DPF3: variants seen among roughly 807,000 people sequenced by gnomAD.
The protein encoded by DPF3 is double PHD fingers 3.
A neutral mutation model predicts 56.8 loss-of-function variants in DPF3; 18 were observed. The observed-to-expected ratio is 0.32, with a 90% CI of 0.22 to 0.47. The LOEUF (loss-of-function observed/expected upper bound fraction) is 0.47. Among genes scored for constraint, DPF3 ranks in the 20% least tolerant of loss-of-function variants. DPF3 has a pLI of 1.00. For missense variants in DPF3, 403 were observed against 488.8 expected (o/e 0.82, Z 1.65); for synonymous variants, 188 against 180.2 (o/e 1.04, Z -0.35).
intron 7 of DPF3, among the ~76,000 whole-genome samples, chr14:72,687,828 G>A (rs550326303): frequency 1.3e-5 from 2 of 152,144 alleles, no homozygotes; most frequent in Non-Finnish European, 2.9e-5. Context: ...GACCCAGACT[G>A]CTGGCCCCCA....
intron 1 of DPF3, among the ~76,000 whole-genome samples, chr14:72,873,270 A>G (rs963141100): frequency 6.6e-6 from 1 of 152,256 alleles, no homozygotes; most frequent in Non-Finnish European, 1.5e-5. Flanking sequence ...AAGGATATAA[A>G]CAGACACTTC....
intron 1 of DPF3, among the ~76,000 whole-genome samples, chr14:72,803,067 A>G (rs2140004067): frequency 6.6e-6 from 1 of 152,344 alleles, no homozygotes. Flanking sequence ...CAAGTGTCAG[A>G]TGGAGAACAA....
rs1473839504 is a variant in DPF3 at position 72,892,456 on chromosome 14, T to G, written c.32+1601A>C. 3 of 1,432,534 alleles carry G rather than the reference T, an allele frequency of 2.1e-6. No individual in the cohort carries two copies. The Admixed American group carries it at 8.6e-5, about 41-fold the overall frequency. The allele number at this position is 1,432,534 out of a possible 1,614,324, so 88.7% of individuals were successfully genotyped here. A position where few individuals can be genotyped will look rare whatever the true frequency, so the allele number is the denominator to read the frequency against. ...TCAGCCTCAGCTTCCAACGTCCTCT[T>G]AACGGCAGCTTTCATATAAATATAT... On this transcript the variant is annotated intron_variant, in intron 1 of 10. Coordinates refer to ENST00000556509, the MANE Select transcript of DPF3 (RefSeq NM_001280542.3).
intron 3 of DPF3, among the ~76,000 whole-genome samples, chr14:72,740,689 A>C (rs1006255873): frequency 6.6e-6 from 1 of 152,208 alleles, no homozygotes; most frequent in Non-Finnish European, 1.5e-5. Flanking sequence ...GGCAGGGAAA[A>C]AGATCTAGCC....
At chr14:72,699,266 T>A (rs993262929) in intron 6 of DPF3, among the ~76,000 whole-genome samples, 1 of 152,088 alleles carries the variant, frequency 6.6e-6, no homozygotes, top group Non-Finnish European at 1.5e-5. Context: ...ATGCTTATAA[T>A]CCCAGCACTT....
chr14:72,753,313 T>A lies in DPF3; in HGVS notation c.252A>T (p.Arg84=). The A allele has an allele frequency of 6.2e-7, 1 of 1,613,670 alleles. No individual in the cohort carries two copies. The highest frequency in any genetic ancestry group is 1.1e-5 in the South Asian group (1 of 91,062). The part of the protein sequence containing the change: ...YPARCWRKKR[R]LHPPEDPKLR... ...GTTTTGGATCTTCAGGTGGGTGCAA[T>A]CGTCTCTTCTTGCGCCAGCAGCGGG... is the stretch of plus-strand genomic sequence containing the variant. The change falls in exon 3 of 11, where the codon CGA becomes CGT. Residue 84 remains arginine (R), a synonymous_variant. Coordinates refer to ENST00000556509, the MANE Select transcript of DPF3 (RefSeq NM_001280542.3).
intron 8 of DPF3, among the ~76,000 whole-genome samples, chr14:72,630,381 A>G (rs2153567036): frequency 6.6e-6 from 1 of 152,320 alleles, no homozygotes; most frequent in African/African-American, 2.4e-5. Context: ...ATCAGAGCAA[A>G]TGGCCAGGTC....
At chr14:72,782,227 ATTTTT>A (rs66977010) in intron 1 of DPF3, among the ~76,000 whole-genome samples, 2 of 139,794 alleles carry the variant, frequency 1.4e-5, no homozygotes, top group East Asian at 2.1e-4. Flanking sequence ...AGCCCAAGTG[ATTTTT>A]TTTTTTTTTT....
At chr14:72,701,706 C>T (rs1397254086) in intron 6 of DPF3, among the ~76,000 whole-genome samples, 2 of 152,190 alleles carry the variant, frequency 1.3e-5, no homozygotes, top group Admixed American at 1.3e-4. Flanking sequence ...ACTTGGAGCA[C>T]ACAGTGGGAA....
intron 1 of DPF3, among the ~76,000 whole-genome samples, chr14:72,876,011 T>C (rs1481287451): frequency 6.6e-6 from 1 of 151,918 alleles, no homozygotes; most frequent in Non-Finnish European, 1.5e-5. Context: ...ATTTATATAT[T>C]TTATTTACAT....
At chr14:72,623,444 G>A (rs958429933) in intron 9 of DPF3, among the ~76,000 whole-genome samples, 50 of 152,030 alleles carry the variant, frequency 3.3e-4, no homozygotes, top group Non-Finnish European at 5.6e-4. Context: ...TCCTTAGTAG[G>A]ACATACCTTA....
At chr14:72,674,833 T>C (rs2526909) in intron 7 of DPF3, among the ~76,000 whole-genome samples, 8,653 of 152,300 alleles carry the variant, frequency 0.057, 492 homozygotes, top group African/African-American at 0.13. Flanking sequence ...ATTCTTCCTG[T>C]CCCTGAAATG....
At chr14:72,635,386 C>T (rs776291301) in intron 8 of DPF3, among the ~76,000 whole-genome samples, 23 of 152,222 alleles carry the variant, frequency 1.5e-4, no homozygotes, top group Non-Finnish European at 1.6e-4. Context: ...GGACACATCT[C>T]ATGTCTTTAC....
chr14:72,845,057 A>G (rs1384126969), intron 1 of DPF3, among the ~76,000 whole-genome samples: 1 of 152,194 alleles, frequency 6.6e-6, no homozygotes, highest in Non-Finnish European at 1.5e-5. Flanking sequence ...GTGAGCTATA[A>G]TCGTGCCACT....
intron 1 of DPF3, among the ~76,000 whole-genome samples, chr14:72,808,595 T>G (rs1279912171): frequency 6.6e-6 from 1 of 152,198 alleles, no homozygotes; most frequent in Non-Finnish European, 1.5e-5. Context: ...GTGAAAATAG[T>G]TCGCCATTTA....
intron 8 of DPF3, among the ~76,000 whole-genome samples, chr14:72,648,982 G>T (rs1033624853): frequency 6.6e-6 from 1 of 151,822 alleles, no homozygotes; most frequent in African/African-American, 2.4e-5. Context: ...CCACACACTC[G>T]CCTAGCTCTC....
intron 1 of DPF3, among the ~76,000 whole-genome samples, chr14:72,846,328 C>CTT (rs10563066): frequency 0.021 from 1,284 of 62,454 alleles, 2 homozygotes; most frequent in Middle Eastern, 0.044. Context: ...CCAGGCTAGT[C>CTT]TTTTTTTTTT....
At chr14:72,640,056 A>T (rs1399195587) in intron 8 of DPF3, among the ~76,000 whole-genome samples, 2 of 70,362 alleles carry the variant, frequency 2.8e-5, no homozygotes, top group Non-Finnish European at 3.7e-5. Context: ...TAAAAAAAAA[A>T]AAAAAAAAAA....
chr14:72,708,595 A>C (rs1480158272), intron 6 of DPF3, among the ~76,000 whole-genome samples: 6 of 152,148 alleles, frequency 3.9e-5, no homozygotes, highest in Non-Finnish European at 7.3e-5. Flanking sequence ...CCTCAAAAAA[A>C]TTTTTTTCTT....
Sources: allele counts gnomAD v4.1 joint callset (sites outside exome capture counted in the v4.1 genomes callset), GRCh38; gene constraint gnomAD v4.1.1; transcripts MANE v1.5; gene names NCBI Gene and HGNC (gene_info 2026-07-23, HGNC 2026-07-21).